Variants in EPB41 observed in about 807,000 individuals in gnomAD.
EPB41 encodes the protein erythrocyte membrane protein band 4.1.
In EPB41, 65 loss-of-function variants were observed where a neutral mutation model predicts 108.0. The ratio of observed to expected loss-of-function variants is 0.60; its 90% CI spans 0.49 to 0.74. The LOEUF is 0.74. EPB41 is among the 30% of genes least tolerant of loss of function. EPB41 has a pLI of 0.00. For synonymous variants in EPB41, 336 were observed against 358.9 expected, an observed-to-expected ratio of 0.94 and a Z score of 0.72; for missense variants, 875 against 1,037.0, an observed-to-expected ratio of 0.84 and a Z score of 2.15.
At chr1:28,951,351 C>T (rs1221861435) in intron 1 of EPB41, among the ~76,000 whole-genome samples, 2 of 141,986 alleles carry the variant, frequency 1.4e-5, no homozygotes, top group Admixed American at 7.2e-5. Flanking sequence ...TACACATTTA[C>T]CCTGTGTCTT....
Position 29,051,657 on chromosome 1 carries a change from G to C in EPB41, c.1637-1447G>C, listed in dbSNP as rs543623172. On this transcript the variant is annotated intron_variant, in intron 11 of 20. Coordinates refer to ENST00000343067, the MANE Select transcript of EPB41 (RefSeq NM_001376013.1). ...CACGCCTGTAATCCCAGGACTTTGG[G>C]AGGCCAAGGCAGGCAGATCACTTGA... Among the ~76,000 whole-genome samples the C allele has an allele frequency of 5.9e-5, 9 of 152,184 alleles. No homozygotes were observed. The South Asian group carries it at 1.7e-3, about 28-fold the overall frequency.
intron 4 of EPB41, among the ~76,000 whole-genome samples, chr1:29,006,158 A>T (rs1437787775): frequency 2.0e-5 from 3 of 151,770 alleles, no homozygotes; most frequent in Non-Finnish European, 4.4e-5. Flanking sequence ...TGCATATATT[A>T]TTCTCTATTG....
At chr1:28,985,364 C>CTTTTAGCTGGAGAGAGGGAAGAAAGACA (rs1357273390) in intron 1 of EPB41, among the ~76,000 whole-genome samples, 2 of 151,898 alleles carry the variant, frequency 1.3e-5, no homozygotes, top group Non-Finnish European at 2.9e-5. Flanking sequence ...CCTTATAGAA[C>CTTTTAGCTGGAGAGAGGGAAGAAAGACA]TTTTAGCTGG....
chr1:28,950,022 T>C (rs1325840042), intron 1 of EPB41, among the ~76,000 whole-genome samples: 2 of 152,240 alleles, frequency 1.3e-5, no homozygotes, highest in Non-Finnish European at 2.9e-5. Context: ...TCCATTTTCC[T>C]GATAATAGAC....
rs1266786880 is a variant in EPB41, at chr1:28,982,487, G to C, written c.-7-4944G>C. 2.2e-5 allele frequency: 18 copies of C among 832,392 alleles called. No individual in the cohort carries two copies. The Admixed American group carries it at 2.7e-4, about 13-fold the overall frequency. The allele number at this position is 832,392 out of a possible 1,614,324, so 51.6% of individuals were successfully genotyped here. A position where few individuals can be genotyped will look rare whatever the true frequency, so the allele number is the denominator to read the frequency against. ...GGGTAGTGGTCAATTCCAGACACCA[G>C]AGCATGGCTGTAGGGGCAATCTGAG... is the stretch of plus-strand genomic sequence containing the variant. On this transcript the variant is annotated intron_variant, in intron 1 of 20. Transcript: ENST00000343067.
chr1:28,926,944 TG>T (rs2093479512), intron 1 of EPB41, among the ~76,000 whole-genome samples: 1 of 152,260 alleles, frequency 6.6e-6, no homozygotes, highest in Non-Finnish European at 1.5e-5. Context: ...TTTTTATGCC[TG>T]AGTGTGAGTA....
chr1:28,894,347 C>T (rs879588878), intron 1 of EPB41, among the ~76,000 whole-genome samples: 3 of 152,114 alleles, frequency 2.0e-5, no homozygotes, highest in Non-Finnish European at 4.4e-5. Context: ...TATCAATGTG[C>T]TTTGTATTGG....
At chr1:28,982,572 G>T in intron 1 of EPB41, 1 of 1,504,732 alleles carries the variant, frequency 6.6e-7, no homozygotes, top group South Asian at 1.1e-5. Flanking sequence ...GTCCAGCCAG[G>T]ACAAGCACCA....
chr1:28,996,499 C>T (rs1298648208), intron 3 of EPB41, among the ~76,000 whole-genome samples: 1 of 152,168 alleles, frequency 6.6e-6, no homozygotes, highest in African/African-American at 2.4e-5. Flanking sequence ...AAATGTCACT[C>T]TGGACAGTTG....
At chr1:28,892,971 T>C (rs766525511) in intron 1 of EPB41, among the ~76,000 whole-genome samples, 11 of 151,812 alleles carry the variant, frequency 7.2e-5, no homozygotes, top group Admixed American at 2.6e-4. Flanking sequence ...GCCAGGCTAA[T>C]TTTGTATTTT....
intron 8 of EPB41, 131 bp downstream of exon 8, chr1:29,030,618 A>G (rs2096776275): frequency 1.3e-6 from 1 of 759,146 alleles, no homozygotes; most frequent in Non-Finnish European, 2.2e-6. Context: ...AAACATTCAA[A>G]AGAGATAGTA....
chr1:28,899,576 A>C (rs961859308), intron 1 of EPB41, among the ~76,000 whole-genome samples: 3 of 152,186 alleles, frequency 2.0e-5, no homozygotes, highest in Non-Finnish European at 4.4e-5. Flanking sequence ...CTGGGGGGAA[A>C]GTGATGGACT....
intron 17 of EPB41, among the ~76,000 whole-genome samples, chr1:29,099,200 A>G (rs974594976): frequency 6.7e-6 from 1 of 149,420 alleles, no homozygotes; most frequent in Non-Finnish European, 1.5e-5. Flanking sequence ...CCAGCTACTC[A>G]GGAGGCTGAG....
intron 12 of EPB41, among the ~76,000 whole-genome samples, chr1:29,055,216 A>G (rs1645162935): frequency 6.6e-6 from 1 of 152,204 alleles, no homozygotes; most frequent in Non-Finnish European, 1.5e-5. Flanking sequence ...ATGCCTGTTT[A>G]ATGTTAGACT....
chr1:28,968,259 G>A (rs2095410432), intron 1 of EPB41, among the ~76,000 whole-genome samples: 1 of 151,870 alleles, frequency 6.6e-6, no homozygotes, highest in Admixed American at 6.6e-5. Context: ...GGAGGCTGAG[G>A]CAGGAGAATC....
chr1:28,910,908 C>G, upstream of EPB41: 2 of 919,764 alleles, frequency 2.2e-6, no homozygotes, highest in Non-Finnish European at 2.6e-6. Flanking sequence ...TCCTTAGGGA[C>G]CCCATCCTGG....
At chr1:29,040,322 C>T (rs956267592) in intron 11 of EPB41, among the ~76,000 whole-genome samples, 10 of 151,750 alleles carry the variant, frequency 6.6e-5, no homozygotes, top group South Asian at 4.2e-4. Flanking sequence ...CTCTGTGGCC[C>T]AGGCTGGAGT....
intron 1 of EPB41, among the ~76,000 whole-genome samples, chr1:28,978,163 A>G (rs1012940711): frequency 6.6e-6 from 1 of 151,178 alleles, no homozygotes; most frequent in Non-Finnish European, 1.5e-5. Context: ...TTCCTTAATT[A>G]TGTTTTCATT....
chr1:29,071,794 T>C (rs560133188), intron 16 of EPB41: 1 of 152,354 alleles, frequency 6.6e-6, no homozygotes, highest in East Asian at 1.9e-4. Flanking sequence ...CACTTGAATG[T>C]ACCAATATGG....
Sources: allele counts gnomAD v4.1 joint callset (sites outside exome capture counted in the v4.1 genomes callset), GRCh38; gene constraint gnomAD v4.1.1; transcripts MANE v1.5; gene names NCBI Gene and HGNC (gene_info 2026-07-23, HGNC 2026-07-21).